The following RNGTT variants were observed in gnomAD, a reference collection of about 807,000 sequenced individuals.
The protein encoded by RNGTT is mRNA-capping enzyme.
RNGTT carries 33 observed loss-of-function variants against 79.3 expected under a neutral mutation model. The observed-to-expected ratio is 0.42, with a 90% CI of 0.32 to 0.56. The LOEUF (loss-of-function observed/expected upper bound fraction) is 0.56. Ranked by LOEUF, RNGTT falls within the 20% of genes least tolerant of loss-of-function variation. The probability of loss-of-function intolerance (pLI) is 0.17; values close to 1 mark genes in which losing one functional copy is unlikely to be tolerated. For missense variants in RNGTT, 497 were observed against 739.1 expected (o/e 0.67, Z 3.80); for synonymous variants, 222 against 235.9 (o/e 0.94, Z 0.54).
chr6:88,861,581 A>G lies in RNGTT; in HGVS notation c.897-7817T>C, dbSNP rs141114573. 5.0e-3 allele frequency among the ~76,000 whole-genome samples: 761 copies of G among 152,274 alleles called. 5 individuals are homozygous for G. The highest frequency in any genetic ancestry group is 0.017 in the African/African-American group (701 of 41,564). ...CTTAAGTATATTTTACAACTTTTTAAAAAGAAAAAACGTATTTCTCCTTCT... is the reference window on the plus strand; with the variant it reads ...CTTAAGTATATTTTACAACTTTTTAGAAAGAAAAAACGTATTTCTCCTTCT... On this transcript the variant is annotated intron_variant, in intron 8 of 15. Transcript: ENST00000369485.
chr6:88,687,813 G>A (rs1024098764), intron 13 of RNGTT, among the ~76,000 whole-genome samples: 1 of 152,146 alleles, frequency 6.6e-6, no homozygotes, highest in Non-Finnish European at 1.5e-5. Flanking sequence ...TGAGGGATAG[G>A]TGAAAACAGG....
rs1475331105 is a variant in RNGTT, at chr6:88,698,258, T to TTTC, written c.1440-19840_1440-19839insGAA. ...GAAATATATATATGAAATATATATA[T>TTTC]AAATATATATGATATATATATTTCA... is the stretch of plus-strand genomic sequence containing the variant. On this transcript the variant is annotated intron_variant, in intron 13 of 15. Coordinates refer to ENST00000369485, the MANE Select transcript of RNGTT (RefSeq NM_003800.5). 2.5e-4 allele frequency among the ~76,000 whole-genome samples: 23 copies of TTTC among 93,478 alleles called. 1 individual carries two copies. The highest frequency in any genetic ancestry group is 1.1e-3 in the Admixed American group (11 of 9,632). The allele number at this position is 93,478 out of a possible 152,430, so 61.3% of individuals were successfully genotyped here.
At chr6:88,687,248 C>T (rs1775311290) in intron 13 of RNGTT, among the ~76,000 whole-genome samples, 1 of 152,184 alleles carries the variant, frequency 6.6e-6, no homozygotes, top group Non-Finnish European at 1.5e-5. Flanking sequence ...ACAATTCCCA[C>T]TTACCAGATT....
intron 13 of RNGTT, among the ~76,000 whole-genome samples, chr6:88,691,684 T>G (rs958673618): frequency 2.0e-5 from 3 of 152,158 alleles, no homozygotes; most frequent in Admixed American, 1.3e-4. Flanking sequence ...GGGTGTTAGT[T>G]ACATAAAATT....
At chr6:88,755,650 T>C (rs1256627459) in intron 13 of RNGTT, among the ~76,000 whole-genome samples, 1 of 151,990 alleles carries the variant, frequency 6.6e-6, no homozygotes, top group Non-Finnish European at 1.5e-5. Flanking sequence ...AATTTCTATA[T>C]GATGAGGGGA....
intron 14 of RNGTT, among the ~76,000 whole-genome samples, chr6:88,665,447 A>G (rs1480514887): frequency 6.6e-6 from 1 of 152,198 alleles, no homozygotes; most frequent in Non-Finnish European, 1.5e-5. Flanking sequence ...TTCCCAAGCC[A>G]GGGACCAAGG....
In RNGTT at chr6:88,617,541, G is replaced by C. The variant is rs535551327; in HGVS notation, c.1507-3146C>G. The stretch of plus-strand genomic sequence containing the variant: ...GCTCTCTATTCTGCTCCATTGATTT[G>C]TATCTCTATCTTTATGCCAGTAATT... On this transcript the variant is annotated intron_variant, in intron 14 of 15. Transcript: ENST00000369485. Among the ~76,000 whole-genome samples, 4 of 152,200 alleles carry C rather than the reference G, an allele frequency of 2.6e-5. No homozygotes were observed. The East Asian group carries it at 7.7e-4, about 29-fold the overall frequency.
rs142073120 is a variant in RNGTT at position 88,798,690 on chromosome 6, C to T, written c.1338+2874G>A. The stretch of plus-strand genomic sequence containing the variant: ...ATGACATGATAACCTTAGTAGATAC[C>T]GAAGAGGCATTACTGCCTTAAAATT... On this transcript the variant is annotated intron_variant, in intron 12 of 15. Transcript: ENST00000369485. Among the ~76,000 whole-genome samples the T allele has an allele frequency of 2.1e-3, 313 of 152,152 alleles. 2 individuals carry two copies. The highest frequency in any genetic ancestry group is 7.4e-3 in the African/African-American group (306 of 41,504).
chr6:88,930,172 A>C (rs529515461), intron 2 of RNGTT, among the ~76,000 whole-genome samples: 1 of 147,982 alleles, frequency 6.8e-6, no homozygotes, highest in East Asian at 1.9e-4. Flanking sequence ...ATACATATAC[A>C]TATATGTATA....
chr6:88,698,269 G>GATATATATTCATATATATATT (rs1562202344), intron 13 of RNGTT, among the ~76,000 whole-genome samples: 1 of 77,162 alleles, frequency 1.3e-5, no homozygotes, highest in African/African-American at 1.4e-4. Flanking sequence ...AAATATATAT[G>GATATATATTCATATATATATT]ATATATATAT....
At chr6:88,640,557 A>C (rs1485508224) in intron 14 of RNGTT, among the ~76,000 whole-genome samples, 2 of 136,792 alleles carry the variant, frequency 1.5e-5, no homozygotes, top group African/African-American at 6.8e-5. Flanking sequence ...AAAAAAAAAA[A>C]AAAGAAAAGA....
intron 13 of RNGTT, among the ~76,000 whole-genome samples, chr6:88,699,563 G>A (rs1433688553): frequency 6.6e-6 from 1 of 152,086 alleles, no homozygotes; most frequent in South Asian, 2.1e-4. Flanking sequence ...CACGCCTGTA[G>A]TCCCAGTAAA....
intron 8 of RNGTT, among the ~76,000 whole-genome samples, chr6:88,887,157 A>G (rs1350710170): frequency 6.6e-6 from 1 of 151,912 alleles, no homozygotes; most frequent in Non-Finnish European, 1.5e-5. Context: ...ACTGTTAACT[A>G]TATCCAGGTT....
rs1345705608 is a variant in RNGTT, at chr6:88,933,791, CCA to C, written c.175-4526_175-4525del. Among the ~76,000 whole-genome samples the C allele has an allele frequency of 4.6e-5, 7 of 152,156 alleles. No individual in the cohort carries two copies. In the South Asian group the frequency reaches 1.2e-3, roughly 27 times the overall value. On this transcript the variant is annotated intron_variant, in intron 2 of 15. Coordinates refer to ENST00000369485, the MANE Select transcript of RNGTT (RefSeq NM_003800.5). ...CATAGTATTCCATTGTGTATATATGCCACATTTTCTTTATCCATTCATCCACC... is the reference window on the plus strand; with the variant it reads ...CATAGTATTCCATTGTGTATATATGCCATTTTCTTTATCCATTCATCCACC...
chr6:88,674,908 C>A (rs1005309639), intron 14 of RNGTT, among the ~76,000 whole-genome samples: 2 of 151,976 alleles, frequency 1.3e-5, no homozygotes, highest in Non-Finnish European at 2.9e-5. Flanking sequence ...ACCAGTCTGG[C>A]CAACATGGCG....
At chr6:88,655,807 GC>G (rs939145701) in intron 14 of RNGTT, among the ~76,000 whole-genome samples, 2 of 148,758 alleles carry the variant, frequency 1.3e-5, no homozygotes, top group Non-Finnish European at 2.9e-5. Flanking sequence ...TCAAGAGATG[GC>G]CCTGTAGCTT....
At chr6:88,839,271 T>C (rs560876608) in intron 11 of RNGTT, among the ~76,000 whole-genome samples, 1 of 152,130 alleles carries the variant, frequency 6.6e-6, no homozygotes, top group Non-Finnish European at 1.5e-5. Context: ...GACAGAACAG[T>C]GTATTAAAAA....
intron 13 of RNGTT, among the ~76,000 whole-genome samples, chr6:88,759,477 A>G (rs546589405): frequency 3.3e-5 from 5 of 152,338 alleles, no homozygotes; most frequent in Non-Finnish European, 7.3e-5. Context: ...CAGTGGACAG[A>G]GCTAGGAAAT....
At chr6:88,726,389 C>CAAA (rs61210098) in intron 13 of RNGTT, among the ~76,000 whole-genome samples, 175 of 99,534 alleles carry the variant, frequency 1.8e-3, no homozygotes, top group African/African-American at 7.3e-3. Flanking sequence ...ATCCTAAGTC[C>CAAA]AAAAAAAAAA....
Sources: gnomAD v4.1 joint callset for allele counts (sites outside exome capture counted in the v4.1 genomes callset) on GRCh38, gnomAD v4.1.1 for gene constraint, MANE v1.5 for transcripts, NCBI Gene and HGNC (gene_info 2026-07-23, HGNC 2026-07-21) for gene names.